LRRTM4: variants seen among roughly 807,000 people sequenced by gnomAD.
The protein encoded by LRRTM4 is leucine rich repeat transmembrane neuronal 4.
A neutral mutation model predicts 47.6 loss-of-function variants in LRRTM4; 25 were observed. That is an observed-to-expected ratio of 0.53 (90% CI 0.38 to 0.73). LRRTM4 has a LOEUF of 0.73. Ranked by LOEUF, LRRTM4 falls within the 30% of genes least tolerant of loss-of-function variation. LRRTM4 has a pLI of 0.00. For synonymous variants in LRRTM4, 311 were observed against 269.5 expected (o/e 1.15, Z -1.51); for missense variants, 638 against 713.4 (o/e 0.89, Z 1.20).
rs1210758941 is a variant in LRRTM4, at chr2:77,521,573, T to C, written c.4+95A>G. On this transcript the variant is annotated intron_variant, in intron 2 of 3. Coordinates refer to ENST00000409884, the MANE Select transcript of LRRTM4 (RefSeq NM_001134745.3). ...AACTCAAAGGCTGCTGCTCTTTGCC[T>C]GTTTCCCCGTCTTTTATCTGCTAAT... 2.8e-6 allele frequency: 4 copies of C among 1,441,664 alleles called. No individual in the cohort carries two copies. In the African/African-American group the frequency reaches 5.6e-5, roughly 20 times the overall value. 89.3% of individuals were successfully genotyped at this position (1,441,664 alleles called of 1,614,324 possible).
At chr2:77,007,228 A>G (rs1002754892) in intron 3 of LRRTM4, among the ~76,000 whole-genome samples, 2 of 152,044 alleles carry the variant, frequency 1.3e-5, no homozygotes, top group Non-Finnish European at 2.9e-5. Context: ...GCACATTTGC[A>G]ATTCTGTTAT....
intron 3 of LRRTM4, among the ~76,000 whole-genome samples, chr2:77,398,037 A>G (rs1673769703): frequency 6.6e-6 from 1 of 151,800 alleles, no homozygotes; most frequent in Admixed American, 6.6e-5. Flanking sequence ...GTTAGGCTTT[A>G]AGAAAGCCAG....
chr2:76,997,745 G>A (rs904355287), intron 3 of LRRTM4, among the ~76,000 whole-genome samples: 1 of 152,050 alleles, frequency 6.6e-6, no homozygotes, highest in African/African-American at 2.4e-5. Flanking sequence ...GTTAGGAATT[G>A]GGCTGCACAG....
chr2:77,372,651 ATTAATGGTGTTTTC>A (rs1017605790), intron 3 of LRRTM4, among the ~76,000 whole-genome samples: 1 of 151,794 alleles, frequency 6.6e-6, no homozygotes, highest in African/African-American at 2.4e-5. Context: ...ATACTTCAGC[ATTAATGGTGTTTTC>A]TTCACTCTAT....
chr2:77,222,323 A>G (rs943096367), intron 3 of LRRTM4, among the ~76,000 whole-genome samples: 15 of 152,316 alleles, frequency 9.8e-5, no homozygotes, highest in Non-Finnish European at 2.1e-4. Context: ...AAACACATTC[A>G]AAAGCTAGCA....
chr2:77,470,075 G>C (rs1235124669), intron 3 of LRRTM4, among the ~76,000 whole-genome samples: 2 of 152,120 alleles, frequency 1.3e-5, no homozygotes, highest in African/African-American at 4.8e-5. Context: ...ATTGGTATTA[G>C]CTCTATAAGG....
At chr2:77,321,021 G>T (rs1677772490) in intron 3 of LRRTM4, among the ~76,000 whole-genome samples, 1 of 151,802 alleles carries the variant, frequency 6.6e-6, no homozygotes, top group African/African-American at 2.4e-5. Flanking sequence ...TATAGACTTT[G>T]CATTATGTCA....
At chr2:76,775,396 G>C (rs564807357) in intron 3 of LRRTM4, among the ~76,000 whole-genome samples, 85 of 152,258 alleles carry the variant, frequency 5.6e-4, no homozygotes, top group South Asian at 1.4e-3. Flanking sequence ...AGGGCAAGTA[G>C]ACCATGTAGA....
intron 3 of LRRTM4, among the ~76,000 whole-genome samples, chr2:76,874,752 C>G (rs1342267310): frequency 1.3e-5 from 2 of 151,796 alleles, no homozygotes; most frequent in Non-Finnish European, 2.9e-5. Flanking sequence ...AATAGAATAG[C>G]TTTCAGGCTC....
At chr2:77,363,067 A>T (rs963228372) in intron 3 of LRRTM4, among the ~76,000 whole-genome samples, 6 of 152,234 alleles carry the variant, frequency 3.9e-5, no homozygotes, top group African/African-American at 1.4e-4. Flanking sequence ...CTGGTCTAAG[A>T]TCAGTAAGGG....
chr2:76,892,801 A>C (rs1370921065), intron 3 of LRRTM4, among the ~76,000 whole-genome samples: 1 of 151,730 alleles, frequency 6.6e-6, no homozygotes, highest in Non-Finnish European at 1.5e-5. Context: ...ATCATTTCCC[A>C]AACACATTTA....
At chr2:77,190,113 C>T (rs1573056651) in intron 3 of LRRTM4, among the ~76,000 whole-genome samples, 1 of 151,952 alleles carries the variant, frequency 6.6e-6, no homozygotes, top group South Asian at 2.1e-4. Context: ...TTATCACCTG[C>T]AGGTCATTTT....
chr2:77,477,983 C>T (rs971357585), intron 3 of LRRTM4, among the ~76,000 whole-genome samples: 4 of 149,404 alleles, frequency 2.7e-5, no homozygotes, highest in Non-Finnish European at 5.9e-5. Flanking sequence ...GAAAAAAAGC[C>T]ACATGAGGCA....
At chr2:77,201,255 C>A (rs1483889538) in intron 3 of LRRTM4, among the ~76,000 whole-genome samples, 5 of 152,068 alleles carry the variant, frequency 3.3e-5, no homozygotes, top group African/African-American at 1.2e-4. Context: ...TAAGAGGAGA[C>A]TGCAAAGTAT....
At chr2:77,158,955 A>T (rs945780082) in intron 3 of LRRTM4, among the ~76,000 whole-genome samples, 1 of 152,120 alleles carries the variant, frequency 6.6e-6, no homozygotes, top group African/African-American at 2.4e-5. Flanking sequence ...CACTCCGTGA[A>T]TATTCTTGAT....
At chr2:77,348,970 C>G (rs1671665119) in intron 3 of LRRTM4, among the ~76,000 whole-genome samples, 1 of 151,792 alleles carries the variant, frequency 6.6e-6, no homozygotes, top group South Asian at 2.1e-4. Context: ...AAATAGAAGA[C>G]CATTAAAACT....
At chr2:77,481,772 T>C (rs1178710401) in intron 3 of LRRTM4, among the ~76,000 whole-genome samples, 1 of 152,228 alleles carries the variant, frequency 6.6e-6, no homozygotes, top group Non-Finnish European at 1.5e-5. Flanking sequence ...GAAAGTCCTT[T>C]TTCCAAAAAT....
At chr2:76,965,136 A>G (rs1178379114) in intron 3 of LRRTM4, among the ~76,000 whole-genome samples, 1 of 151,168 alleles carries the variant, frequency 6.6e-6, no homozygotes, top group Non-Finnish European at 1.5e-5. Context: ...AATGATACCA[A>G]TTTTCCAGGA....
At chr2:77,281,900 G>C (rs948865383) in intron 3 of LRRTM4, among the ~76,000 whole-genome samples, 1 of 151,716 alleles carries the variant, frequency 6.6e-6, no homozygotes, top group Non-Finnish European at 1.5e-5. Context: ...AAAATAAGAC[G>C]CAGGTGACAA....
Sources: gnomAD v4.1 joint callset for allele counts (sites outside exome capture counted in the v4.1 genomes callset) on GRCh38, gnomAD v4.1.1 for gene constraint, MANE v1.5 for transcripts, NCBI Gene and HGNC (gene_info 2026-07-23, HGNC 2026-07-21) for gene names.